Variants in CTCFL observed in about 807,000 individuals in gnomAD.
CTCFL encodes the protein transcriptional repressor CTCFL.
CTCFL carries 36 observed loss-of-function variants against 67.4 expected under a neutral mutation model. The ratio of observed to expected loss-of-function variants is 0.53; its 90% CI spans 0.41 to 0.71. CTCFL has a LOEUF of 0.71. CTCFL is among the 30% of genes least tolerant of loss of function. CTCFL has a pLI of 0.00. For missense variants in CTCFL, 786 were observed against 835.2 expected, an observed-to-expected ratio of 0.94 and a Z score of 0.73; for synonymous variants, 324 against 302.3, an observed-to-expected ratio of 1.07 and a Z score of -0.75.
intron 3 of CTCFL, among the ~76,000 whole-genome samples, chr20:57,521,436 T>C (rs1180356541): frequency 6.6e-6 from 1 of 152,210 alleles, no homozygotes; most frequent in African/African-American, 2.4e-5. Context: ...GGTGAGGATG[T>C]GGAGAAACTG....
rs748359114 is a variant in CTCFL, at chr20:57,523,852, C to T, written c.354G>A (p.Gly118=). ...GGGGCCCTTCCTCAAGCCACAGCAA[C>T]CCAGGGCCAGGCTGTTGCACCACCA... ...VQVVVQQPGP[G]LLWLEEGPRQ... Residue 118 remains glycine (G), a synonymous_variant, in exon 2 of 11, where the codon GGG becomes GGA. Coordinates refer to ENST00000243914, the MANE Select transcript of CTCFL (RefSeq NM_001386993.1). 1.2e-6 allele frequency: 2 copies of T among 1,613,248 alleles called. No homozygotes were observed. Among genetic ancestry groups the T allele is most frequent in the Non-Finnish European group, 8.5e-7 (1 of 1,180,038 alleles).
intron 9 of CTCFL, chr20:57,506,882 A>T (rs2068234370): frequency 1.0e-6 from 1 of 985,222 alleles, no homozygotes; most frequent in Admixed American, 6.1e-5. Flanking sequence ...CACAGCTTTT[A>T]TTTGAAATTT....
At chr20:57,500,318 G>T in intron 10 of CTCFL, 1 of 544,526 alleles carries the variant, frequency 1.8e-6, no homozygotes, top group Non-Finnish European at 2.8e-6. Context: ...AGCCAGGCGT[G>T]GTGGCGGGCA....
intron 7 of CTCFL, 93 bp from the exon 8 acceptor site, chr20:57,512,845 G>C (rs2068653816): frequency 8.0e-7 from 1 of 1,250,312 alleles, no homozygotes; most frequent in South Asian, 1.4e-5. Flanking sequence ...CTCAGCCTTG[G>C]CGCTGGAACA....
chr20:57,507,194 CTTTTT>C, intron 9 of CTCFL: 1 of 212,516 alleles, frequency 4.7e-6, no homozygotes, highest in Non-Finnish European at 8.0e-6. Flanking sequence ...GAATGTGCCA[CTTTTT>C]TTTTTTTTTT....
intron 9 of CTCFL, among the ~76,000 whole-genome samples, chr20:57,503,978 T>C (rs1480453445): frequency 2.7e-5 from 4 of 149,928 alleles, no homozygotes; most frequent in Non-Finnish European, 5.9e-5. Flanking sequence ...CCTAAAACAA[T>C]AGCCAAGGAA....
chr20:57,522,095 G>GTACCAA (rs2069413140), intron 3 of CTCFL, among the ~76,000 whole-genome samples: 1 of 152,204 alleles, frequency 6.6e-6, no homozygotes, highest in African/African-American at 2.4e-5. Flanking sequence ...TTAAACATAT[G>GTACCAA]AGAAACTACT....
In CTCFL at chr20:57,497,569, A is replaced by C; in HGVS notation, c.*981T>G. On this transcript the variant is annotated 3_prime_UTR_variant, in exon 11 of 11. Transcript: ENST00000243914. ...GATAGAAATGAATTTCAAGTGTTAA[A>C]GAGGCATCTCTCACGCTGCTCGAGG... 1 of 985,460 alleles carries C rather than the reference A, an allele frequency of 1.0e-6. No homozygotes were observed. The highest frequency in any genetic ancestry group is 1.2e-6 in the Non-Finnish European group (1 of 829,930). 61.0% of individuals were successfully genotyped at this position (985,460 alleles called of 1,614,324 possible).
intron 10 of CTCFL, 130 bp downstream of exon 10, chr20:57,503,306 C>G: frequency 9.2e-7 from 1 of 1,090,444 alleles, no homozygotes; most frequent in Non-Finnish European, 1.3e-6. Context: ...CACAAGCCAC[C>G]TTGCAGGACC....
At chr20:57,511,576 A>C (rs1484378265) in intron 8 of CTCFL, among the ~76,000 whole-genome samples, 1 of 151,176 alleles carries the variant, frequency 6.6e-6, no homozygotes, top group Non-Finnish European at 1.5e-5. Flanking sequence ...TGCTTTAAAA[A>C]AATCACTCTA....
Position 57,518,519 on chromosome 20 carries a change from A to T in CTCFL, c.1059+239T>A, listed in dbSNP as rs550119711. 1.4e-4 allele frequency: 193 copies of T among 1,410,446 alleles called. 1 individual carries two copies. In the South Asian group the frequency reaches 2.8e-3, roughly 21 times the overall value. 87.4% of individuals were successfully genotyped at this position (1,410,446 alleles called of 1,614,324 possible). ...CTTATTTCTTGACCACAGATGGTTT[A>T]TTTGTAATTTGTAAACCTTTACATA... On this transcript the variant is annotated intron_variant, in intron 5 of 10. Transcript: ENST00000243914.
chr20:57,496,281 C>T (rs1165226960), downstream of CTCFL: 2 of 696,074 alleles, frequency 2.9e-6, no homozygotes, highest in Non-Finnish European at 5.2e-6. Flanking sequence ...CCCTCTTCGC[C>T]TTCTGCCTTG....
In CTCFL at chr20:57,498,507, G is replaced by T. The variant is rs778376448; in HGVS notation, c.*43C>A. 1 of 1,587,004 alleles carries T rather than the reference G, an allele frequency of 6.3e-7. No individual in the cohort carries two copies. The highest frequency in any genetic ancestry group is 8.6e-7 in the Non-Finnish European group (1 of 1,163,954). ...CTTAAATGCTAAAAACTTCTAACTTGCTTTAGGAATTGGGGGCAGTGAACA... is the reference window on the plus strand; with the variant it reads ...CTTAAATGCTAAAAACTTCTAACTTTCTTTAGGAATTGGGGGCAGTGAACA... On this transcript the variant is annotated 3_prime_UTR_variant, in exon 11 of 11. Transcript: ENST00000243914.
chr20:57,521,618 C>T (rs1424882101), intron 3 of CTCFL, among the ~76,000 whole-genome samples: 2 of 152,220 alleles, frequency 1.3e-5, no homozygotes, highest in Non-Finnish European at 2.9e-5. Context: ...AACTTGTACA[C>T]AGATGGTCAT....
At chr20:57,524,357 A>G (rs2069685341) in intron 1 of CTCFL, 141 bp from the exon 2 acceptor site, 5 of 1,471,344 alleles carry the variant, frequency 3.4e-6, no homozygotes, top group Non-Finnish European at 3.6e-6. Flanking sequence ...TAGTAGGGTC[A>G]GAACAATGCT....
chr20:57,505,712 T>G (rs974815616), intron 9 of CTCFL, among the ~76,000 whole-genome samples: 2 of 152,140 alleles, frequency 1.3e-5, no homozygotes, highest in Non-Finnish European at 2.9e-5. Context: ...TGAGCAGAGG[T>G]CATGGGTGGC....
Position 57,497,628 on chromosome 20 carries a change from TACTC to T in CTCFL, c.*918_*921del, listed in dbSNP as rs770826840. 8 of 985,136 alleles carry T rather than the reference TACTC, an allele frequency of 8.1e-6. No homozygotes were observed. The highest frequency in any genetic ancestry group is 3.5e-5 in the African/African-American group (2 of 57,076). 61.0% of individuals were successfully genotyped at this position (985,136 alleles called of 1,614,324 possible). ...ATCTTGTCAACTGGCAAAAGGGAAA[TACTC>T]ACTAATCACTGGGCATTATGAAAAA... is the stretch of plus-strand genomic sequence containing the variant. On this transcript the variant is annotated 3_prime_UTR_variant, in exon 11 of 11. Coordinates refer to ENST00000243914, the MANE Select transcript of CTCFL (RefSeq NM_001386993.1).
intron 8 of CTCFL, among the ~76,000 whole-genome samples, 174 bp from the exon 9 acceptor site, chr20:57,508,962 G>A (rs754550079): frequency 1.4e-4 from 22 of 152,166 alleles, no homozygotes; most frequent in Admixed American, 1.1e-3. Flanking sequence ...GTAAGTGGCC[G>A]CCTAGGAAAC....
At chr20:57,523,475 AATTAGCACC>A (rs1363327802) in intron 2 of CTCFL, among the ~76,000 whole-genome samples, 179 bp downstream of exon 2, 2 of 152,220 alleles carry the variant, frequency 1.3e-5, no homozygotes, top group Non-Finnish European at 2.9e-5. Flanking sequence ...ACACTATTCC[AATTAGCACC>A]ACTTTTAAAA....
Sources: gnomAD v4.1 joint callset for allele counts (sites outside exome capture counted in the v4.1 genomes callset) on GRCh38, gnomAD v4.1.1 for gene constraint, MANE v1.5 for transcripts, NCBI Gene and HGNC (gene_info 2026-07-23, HGNC 2026-07-21) for gene names.